The following KHDRBS2 variants were observed in gnomAD, a reference collection of about 807,000 sequenced individuals.
KHDRBS2 encodes KH RNA binding domain containing, signal transduction associated 2.
Under a neutral mutation model 44.3 loss-of-function variants are expected in KHDRBS2, and 26 were observed. The ratio of observed to expected loss-of-function variants is 0.59; its 90% confidence interval spans 0.43 to 0.81. The LOEUF (loss-of-function observed/expected upper bound fraction) is 0.81, where lower values mean the gene tolerates loss of function less well. Among genes scored for constraint, KHDRBS2 ranks in the 40% least tolerant of loss-of-function variants. The probability of loss-of-function intolerance (pLI) is 0.00; values close to 1 mark genes in which losing one functional copy is unlikely to be tolerated. For synonymous variants in KHDRBS2, 194 were observed against 151.1 expected (o/e 1.28, Z -2.08); for missense variants, 476 against 433.1 (o/e 1.10, Z -0.88).
At chr6:61,851,772 T>C (rs1195170403) in intron 6 of KHDRBS2, among the ~76,000 whole-genome samples, 2 of 152,206 alleles carry the variant, frequency 1.3e-5, no homozygotes, top group Non-Finnish European at 2.9e-5. Flanking sequence ...TACAGATGTG[T>C]TAAAAAAGAT....
intron 3 of KHDRBS2, among the ~76,000 whole-genome samples, chr6:62,027,816 C>G (rs1387295300): frequency 6.6e-6 from 1 of 152,062 alleles, no homozygotes; most frequent in Non-Finnish European, 1.5e-5. Flanking sequence ...GCCTTTTCCC[C>G]ATAACTTGCC....
At chr6:62,184,652 G>A (rs557089314) in intron 1 of KHDRBS2, among the ~76,000 whole-genome samples, 1 of 151,650 alleles carries the variant, frequency 6.6e-6, no homozygotes, top group Non-Finnish European at 1.5e-5. Context: ...CCAGGGAGTG[G>A]GCAATTAAAG....
At chr6:62,124,378 A>G (rs892956803) in intron 2 of KHDRBS2, among the ~76,000 whole-genome samples, 18 of 152,156 alleles carry the variant, frequency 1.2e-4, no homozygotes, top group Admixed American at 8.5e-4. Flanking sequence ...ATTTCCAAAA[A>G]CCACTCTCTG....
intron 4 of KHDRBS2, among the ~76,000 whole-genome samples, chr6:61,966,422 G>A (rs1157321386): frequency 6.6e-6 from 1 of 151,784 alleles, no homozygotes; most frequent in Non-Finnish European, 1.5e-5. Context: ...GATGCTTCTA[G>A]TGTAAGTCTC....
chr6:61,762,398 A>G (rs917888365), intron 6 of KHDRBS2, among the ~76,000 whole-genome samples: 1 of 152,132 alleles, frequency 6.6e-6, no homozygotes, highest in African/African-American at 2.4e-5. Flanking sequence ...TTCATCCACA[A>G]TGTTGGAGAT....
At chr6:62,106,017 G>T (rs1441924846) in intron 2 of KHDRBS2, among the ~76,000 whole-genome samples, 1 of 152,136 alleles carries the variant, frequency 6.6e-6, no homozygotes, top group Admixed American at 6.5e-5. Flanking sequence ...CTTTATTTCT[G>T]CCTTCATTTC....
At chr6:62,015,089 G>A (rs1420928258) in intron 3 of KHDRBS2, among the ~76,000 whole-genome samples, 2 of 152,036 alleles carry the variant, frequency 1.3e-5, no homozygotes, top group Non-Finnish European at 2.9e-5. Flanking sequence ...AATGCAACAA[G>A]GGACACATTG....
At chr6:61,661,251 A>C in the KHDRBS2 span, 1 of 151,870 alleles carries the variant, frequency 6.6e-6, no homozygotes, top group African/African-American at 2.4e-5. Context: ...AGAGTTCATA[A>C]ATGAAATCAC....
At chr6:62,084,368 T>C (rs545680794) in intron 2 of KHDRBS2, among the ~76,000 whole-genome samples, 7 of 152,314 alleles carry the variant, frequency 4.6e-5, no homozygotes, top group East Asian at 1.9e-4. Context: ...GCTCTGGTGA[T>C]AAAACTCCAC....
In KHDRBS2 at chr6:61,921,628, A is replaced by G. The variant is rs532379794; in HGVS notation, c.484-20257T>C. On this transcript the variant is annotated intron_variant, in intron 4 of 8. Coordinates refer to ENST00000281156, the MANE Select transcript of KHDRBS2 (RefSeq NM_152688.4). ...AACACACTCTTTTACTGAACAATACATCATGACCATTGCTCCAAACCAATG... is the reference window on the plus strand; with the variant it reads ...AACACACTCTTTTACTGAACAATACGTCATGACCATTGCTCCAAACCAATG... 9.2e-5 allele frequency among the ~76,000 whole-genome samples: 14 copies of G among 152,126 alleles called. No homozygotes were observed. In the East Asian group the frequency reaches 2.5e-3, roughly 27 times the overall value.
intron 3 of KHDRBS2, among the ~76,000 whole-genome samples, chr6:62,004,319 A>G (rs1778819844): frequency 6.6e-6 from 1 of 152,120 alleles, no homozygotes; most frequent in Non-Finnish European, 1.5e-5. Context: ...GATAAAAGGG[A>G]TATCACCACC....
In KHDRBS2 at chr6:61,705,979, TTTGCATCATCA is replaced by T. The variant is rs1214407063; in HGVS notation, c.894-8737_894-8727del. Among the ~76,000 whole-genome samples the T allele has an allele frequency of 5.3e-5, 8 of 151,986 alleles. No individual in the cohort carries two copies. The East Asian group carries it at 1.4e-3, about 26-fold the overall frequency. On this transcript the variant is annotated intron_variant, in intron 7 of 8. Transcript: ENST00000281156. ...TGTGATTTTCATGAGGTCAGGGCTA[TTTGCATCATCA>T]TTGTATTCCCAGGGGGCAACCCAGT...
the KHDRBS2 span, among the ~76,000 whole-genome samples, chr6:61,628,937 G>C: frequency 2.0e-5 from 3 of 152,120 alleles, no homozygotes; most frequent in African/African-American, 7.2e-5. Flanking sequence ...TGCTGTAATA[G>C]TTTCTCTATT....
intron 6 of KHDRBS2, among the ~76,000 whole-genome samples, chr6:61,849,569 T>C (rs1795146512): frequency 1.3e-5 from 2 of 152,094 alleles, no homozygotes; most frequent in Admixed American, 6.6e-5. Flanking sequence ...TTTATCAATA[T>C]GAACCTGTTT....
chr6:61,646,664 T>G, the KHDRBS2 span, among the ~76,000 whole-genome samples: 2 of 152,232 alleles, frequency 1.3e-5, no homozygotes, highest in Non-Finnish European at 2.9e-5. Flanking sequence ...TCCTTGGAGT[T>G]CCCCAGTTCC....
At chr6:62,077,331 G>C (rs1168316385) in intron 2 of KHDRBS2, among the ~76,000 whole-genome samples, 1 of 151,960 alleles carries the variant, frequency 6.6e-6, no homozygotes, top group Non-Finnish European at 1.5e-5. Context: ...GGCCTTATGG[G>C]GATGGGAGGG....
chr6:61,629,643 A>G, the KHDRBS2 span, among the ~76,000 whole-genome samples: 6 of 152,176 alleles, frequency 3.9e-5, no homozygotes, highest in Non-Finnish European at 8.8e-5. Flanking sequence ...GCTCTGCAGC[A>G]TTAGGTCTAT....
chr6:62,148,293 C>T (rs1013241471), intron 2 of KHDRBS2, among the ~76,000 whole-genome samples: 2 of 151,938 alleles, frequency 1.3e-5, no homozygotes, highest in African/African-American at 2.4e-5. Flanking sequence ...CATAAATTAG[C>T]TAAACTATCT....
intron 4 of KHDRBS2, among the ~76,000 whole-genome samples, chr6:61,941,798 G>A (rs1256969783): frequency 6.6e-6 from 1 of 152,088 alleles, no homozygotes; most frequent in Non-Finnish European, 1.5e-5. Flanking sequence ...AAAACTGGAA[G>A]AAGCAACTGT....
Sources: gnomAD v4.1 joint callset for allele counts (sites outside exome capture counted in the v4.1 genomes callset) on GRCh38, gnomAD v4.1.1 for gene constraint, MANE v1.5 for transcripts, NCBI Gene and HGNC (gene_info 2026-07-23, HGNC 2026-07-21) for gene names.